The following LNX1 variants were observed in gnomAD, a reference collection of about 807,000 sequenced individuals.
LNX1 encodes ligand of numb-protein X 1.
In LNX1, 54 loss-of-function variants were observed where a neutral mutation model predicts 68.4. The ratio of observed to expected loss-of-function variants is 0.79; its 90% CI spans 0.63 to 0.99. LNX1 has a LOEUF of 0.99. Ranked by LOEUF, LNX1 falls within the 50% of genes least tolerant of loss-of-function variation. The pLI, the probability that LNX1 is intolerant of heterozygous loss-of-function variation, is 0.00. For missense variants in LNX1, 906 were observed against 926.4 expected (o/e 0.98, Z 0.29); for synonymous variants, 336 against 350.0 (o/e 0.96, Z 0.45).
intron 1 of LNX1, chr4:53,576,058 C>T: frequency 2.6e-6 from 4 of 1,560,186 alleles, no homozygotes; most frequent in Non-Finnish European, 2.6e-6. Flanking sequence ...GCTCCAGGAA[C>T]TCTGCATCCC....
intron 6 of LNX1, among the ~76,000 whole-genome samples, chr4:53,492,515 G>GAC (rs1724758407): frequency 6.7e-6 from 1 of 149,618 alleles, no homozygotes; most frequent in South Asian, 2.2e-4. Context: ...CTGAGAGAGA[G>GAC]AGAGAGAGAG....
At position 53,557,872 on chromosome 4, in the gene LNX1, A is replaced by G. The variant is rs1730024970; in HGVS notation, c.380+15751T>C. The stretch of plus-strand genomic sequence containing the variant: ...ACAGGCACGGACAGAGAGGGGACTC[A>G]CAGTTCTGAATACAGGAAGTGCAGG... On this transcript the variant is annotated intron_variant, in intron 2 of 10. Transcript: ENST00000263925. The G allele has an allele frequency of 1.9e-6, 3 of 1,613,094 alleles. No individual in the cohort carries two copies. In the South Asian group the frequency reaches 3.3e-5, roughly 18 times the overall value.
rs1376420488 is a variant in LNX1, at chr4:53,465,063, A to G, written c.1893-3470T>C. On this transcript the variant is annotated intron_variant, in intron 9 of 10. Transcript: ENST00000263925. ...TACATCCTAACAATTTATGGAAGCTATTCTTCCAAGCGTCTTGCATTTTGC... is the reference window on the plus strand; with the variant it reads ...TACATCCTAACAATTTATGGAAGCTGTTCTTCCAAGCGTCTTGCATTTTGC... Among the ~76,000 whole-genome samples, 4 of 152,252 alleles carry G rather than the reference A, an allele frequency of 2.6e-5. No individual in the cohort carries two copies. In the East Asian group the frequency reaches 5.8e-4, roughly 22 times the overall value.
chr4:53,478,659 T>C lies in LNX1; in HGVS notation c.1569A>G (p.Ala523=). Residue 523 remains alanine, a synonymous_variant, in exon 8 of 11, where the codon GCA becomes GCG. Coordinates refer to ENST00000263925, the MANE Select transcript of LNX1 (RefSeq NM_001126328.3). The part of the protein sequence containing the change: ...DPGESLGMTV[A]GGASHREWDL... ...CCCATTCTCTATGTGATGCTCCCCCTGCGACGGTCATGCCGAGAGATTCAC... is the reference window on the plus strand; with the variant it reads ...CCCATTCTCTATGTGATGCTCCCCCCGCGACGGTCATGCCGAGAGATTCAC... 6.2e-7 allele frequency: 1 copy of C among 1,614,108 alleles called. No individual in the cohort carries two copies. The highest frequency in any genetic ancestry group is 8.5e-7 in the Non-Finnish European group (1 of 1,179,984).
intron 6 of LNX1, among the ~76,000 whole-genome samples, chr4:53,483,151 G>A (rs982045120): frequency 6.6e-6 from 1 of 152,076 alleles, no homozygotes; most frequent in Admixed American, 6.5e-5. Context: ...TGCTGTTCTC[G>A]AGATAGTAAG....
At chr4:53,613,778 T>G (rs945085470) in intron 2 of LNX1, among the ~76,000 whole-genome samples, 1 of 152,224 alleles carries the variant, frequency 6.6e-6, no homozygotes, top group East Asian at 1.9e-4. Flanking sequence ...TATGGGTGTA[T>G]GTGTCTTTAT....
At chr4:53,577,719 A>G (rs749395934) in intron 1 of LNX1, among the ~76,000 whole-genome samples, 24 of 152,054 alleles carry the variant, frequency 1.6e-4, no homozygotes, top group Non-Finnish European at 3.4e-4. Context: ...CCCGCCTGCC[A>G]TTATTTCCTT....
intron 2 of LNX1, among the ~76,000 whole-genome samples, chr4:53,598,975 T>C (rs1179289387): frequency 6.6e-6 from 1 of 152,132 alleles, no homozygotes; most frequent in Non-Finnish European, 1.5e-5. Flanking sequence ...AAGTGTAAGG[T>C]AGAAATTGCT....
chr4:53,580,179 G>T (rs961365880), intron 1 of LNX1, among the ~76,000 whole-genome samples: 1 of 152,174 alleles, frequency 6.6e-6, no homozygotes. Flanking sequence ...TCCACATAAT[G>T]AGCAAAATTT....
chr4:53,598,101 T>A (rs868642016), intron 2 of LNX1, among the ~76,000 whole-genome samples: 1 of 152,202 alleles, frequency 6.6e-6, no homozygotes, highest in Non-Finnish European at 1.5e-5. Flanking sequence ...CCAGGCAGTA[T>A]TATTCCTCCA....
chr4:53,467,302 A>G (rs1379371362), intron 9 of LNX1, among the ~76,000 whole-genome samples: 1 of 152,172 alleles, frequency 6.6e-6, no homozygotes, highest in Non-Finnish European at 1.5e-5. Context: ...AAGGAAAACT[A>G]ACAAACAGAA....
At chr4:53,464,214 C>G (rs1309660537) in intron 9 of LNX1, among the ~76,000 whole-genome samples, 2 of 151,900 alleles carry the variant, frequency 1.3e-5, no homozygotes, top group Non-Finnish European at 2.9e-5. Context: ...ACTTCCTGGC[C>G]CCAATTTATA....
intron 2 of LNX1, 147 bp downstream of exon 2, chr4:53,573,476 C>A: frequency 1.6e-6 from 1 of 610,984 alleles, no homozygotes. Context: ...TTTCCTCACA[C>A]TGAATCATGA....
At chr4:53,592,041 C>T (rs1732533334), upstream of LNX1, among the ~76,000 whole-genome samples, 1 of 152,162 alleles carries the variant, frequency 6.6e-6, no homozygotes, top group Non-Finnish European at 1.5e-5. Flanking sequence ...AAATAGGATA[C>T]CTGTCAGCAG....
rs184015652 is a variant in LNX1 at position 53,504,884 on chromosome 4, C to T, written c.775+2433G>A. ...ACCTATAAGGGCATGGCTCGTGGCA[C>T]GCTAAAACAATTACAATAGTAACGC... On this transcript the variant is annotated intron_variant, in intron 4 of 10. Coordinates refer to ENST00000263925, the MANE Select transcript of LNX1 (RefSeq NM_001126328.3). Among the ~76,000 whole-genome samples the T allele has an allele frequency of 4.1e-3, 620 of 152,046 alleles. 5 individuals are homozygous for T. The highest frequency in any genetic ancestry group is 0.014 in the African/African-American group (585 of 41,404).
chr4:53,513,254 C>CT (rs1196379543), intron 2 of LNX1, among the ~76,000 whole-genome samples: 2 of 152,218 alleles, frequency 1.3e-5, no homozygotes, highest in East Asian at 1.9e-4. Context: ...ATCTATTGAT[C>CT]TTTTTTAATG....
At chr4:53,568,118 A>G (rs1730837276) in intron 2 of LNX1, among the ~76,000 whole-genome samples, 2 of 152,182 alleles carry the variant, frequency 1.3e-5, no homozygotes, top group African/African-American at 4.8e-5. Flanking sequence ...TTGATAGAAA[A>G]AGAGGGAATC....
At chr4:53,573,511 A>T in intron 2 of LNX1, 112 bp downstream of exon 2, 3 of 686,484 alleles carry the variant, frequency 4.4e-6, no homozygotes, top group Admixed American at 5.8e-5. Flanking sequence ...CTGTTTTTTT[A>T]TTTTGAATGG....
chr4:53,616,442 C>T (rs1577798579), intron 2 of LNX1: 1 of 152,164 alleles, frequency 6.6e-6, no homozygotes, highest in African/African-American at 2.4e-5. Context: ...CATGTGACAC[C>T]TGCTGCTGCT....
Sources: gnomAD v4.1 joint callset for allele counts (sites outside exome capture counted in the v4.1 genomes callset) on GRCh38, gnomAD v4.1.1 for gene constraint, MANE v1.5 for transcripts, NCBI Gene and HGNC (gene_info 2026-07-23, HGNC 2026-07-21) for gene names.